Variants in ZDHHC16 observed in about 807,000 individuals in gnomAD.
The protein encoded by ZDHHC16 is zDHHC palmitoyltransferase 16, also known as palmitoyltransferase ZDHHC16.
In ZDHHC16, 33 loss-of-function variants were observed where a neutral mutation model predicts 54.4. The observed-to-expected ratio is 0.61, with a 90% CI of 0.46 to 0.81. The LOEUF (loss-of-function observed/expected upper bound fraction) is 0.81. ZDHHC16 is among the 30% of genes least tolerant of loss of function. The pLI is 0.00. For synonymous variants in ZDHHC16, 185 were observed against 182.1 expected, an observed-to-expected ratio of 1.02 and a Z score of -0.13; for missense variants, 420 against 485.9, an observed-to-expected ratio of 0.86 and a Z score of 1.28.
intron 2 of ZDHHC16, 44 bp from the exon 3 acceptor site, chr10:97,451,627 A>T: frequency 6.4e-7 from 1 of 1,568,594 alleles, no homozygotes; most frequent in Non-Finnish European, 8.6e-7. Flanking sequence ...CGGGGTAGGG[A>T]GGGAGGGCTC....
Position 97,450,512 on chromosome 10 carries a change from C to G in ZDHHC16, c.-30C>G, listed in dbSNP as rs904534633. On this transcript the variant is annotated 5_prime_UTR_variant, in exon 2 of 12. Coordinates refer to ENST00000393760, the MANE Select transcript of ZDHHC16 (RefSeq NM_198046.3). ...TGGGATTGTCAAGGACAAAGCCCTC[C>G]CTGGCTGCCTCAGGGCAAAATCAGG... is the stretch of plus-strand genomic sequence containing the variant. 2 of 152,184 alleles carry G rather than the reference C, an allele frequency of 1.3e-5. No individual in the cohort carries two copies. The highest frequency in any genetic ancestry group is 2.9e-5 in the Non-Finnish European group (2 of 68,048). The allele number at this position is 152,184 out of a possible 1,614,324, so 9.4% of individuals were successfully genotyped here.
Position 97,454,771 on chromosome 10 carries a change from A to C in ZDHHC16, c.796A>C (p.Ser266Arg). The change falls in exon 9 of 12, where the codon AGT becomes CGT. Residue 266 changes from serine (S) to arginine (R), a missense_variant. By Grantham distance (110) the Ser-to-Arg change is moderately radical (BLOSUM62 -1). Coordinates refer to ENST00000393760, the MANE Select transcript of ZDHHC16 (RefSeq NM_198046.3). ...CTTTCGAGAAAGGATGACTCACAAG[A>C]GTCTTGTCTACCTCTGGTTCCTGTG... ...FSFRERMTHK[S>R]LVYLWFLCSS... The C allele has an allele frequency of 5.0e-6, 8 of 1,614,052 alleles. No individual in the cohort carries two copies. Among genetic ancestry groups the C allele is most frequent in the Non-Finnish European group, 6.8e-6 (8 of 1,180,002 alleles).
chr10:97,449,527 G>A (rs540237985), intron 1 of ZDHHC16, among the ~76,000 whole-genome samples: 82 of 152,162 alleles, frequency 5.4e-4, no homozygotes, highest in Admixed American at 1.2e-3. Context: ...AAGTTTGAGC[G>A]TGAGCTTTTA....
chr10:97,455,636 C>G (rs765243007), intron 9 of ZDHHC16, 24 bp from the exon 10 acceptor site: 2 of 1,614,178 alleles, frequency 1.2e-6, no homozygotes, highest in Non-Finnish European at 1.7e-6. Context: ...AACTACCCAC[C>G]AGTCTTCGCC....
At chr10:97,454,150 T>C (rs997848694) in intron 8 of ZDHHC16, among the ~76,000 whole-genome samples, 5 of 152,240 alleles carry the variant, frequency 3.3e-5, no homozygotes, top group African/African-American at 1.2e-4. Flanking sequence ...GTCTGTGTAA[T>C]GGGGTTCCAG....
intron 2 of ZDHHC16, chr10:97,451,069 A>G (rs1159707471): frequency 1.3e-5 from 2 of 152,486 alleles, no homozygotes; most frequent in African/African-American, 2.4e-5. Context: ...GCCCAGAGGG[A>G]GTAGGAAGAA....
chr10:97,456,961 C>A lies in ZDHHC16; in HGVS notation c.*70C>A. 2 of 1,245,438 alleles carry A rather than the reference C, an allele frequency of 1.6e-6. No homozygotes were observed. The highest frequency in any genetic ancestry group is 2.2e-6 in the Non-Finnish European group (2 of 910,854). The allele number at this position is 1,245,438 out of a possible 1,614,324, so 77.1% of individuals were successfully genotyped here. A position where few individuals can be genotyped will look rare whatever the true frequency, so the allele number is the denominator to read the frequency against. The stretch of plus-strand genomic sequence containing the variant: ...ATGTTATTTCAAGGGCCTCCAAGGG[C>A]AGCTTTTCTCAGAATCCTTGATCAA... On this transcript the variant is annotated 3_prime_UTR_variant, in exon 12 of 12. Coordinates refer to ENST00000393760, the MANE Select transcript of ZDHHC16 (RefSeq NM_198046.3).
chr10:97,453,417 G>A (rs968452873), intron 6 of ZDHHC16, 113 bp from the exon 7 acceptor site: 5 of 1,430,216 alleles, frequency 3.5e-6, no homozygotes, highest in Non-Finnish European at 4.7e-6. Context: ...AGTTCTTAGT[G>A]ACTGGAAGCC....
At chr10:97,452,671 GCATT>G in intron 5 of ZDHHC16, 168 bp downstream of exon 5, 2 of 919,266 alleles carry the variant, frequency 2.2e-6, no homozygotes. Context: ...TGTGAGTTAG[GCATT>G]ATTACCACTT....
At chr10:97,447,709 G>T (rs557526528) in intron 1 of ZDHHC16, among the ~76,000 whole-genome samples, 2 of 152,250 alleles carry the variant, frequency 1.3e-5, no homozygotes, top group East Asian at 3.9e-4. Context: ...ATCACCTGAG[G>T]TCGGGAGTTT....
At chr10:97,455,886 G>C (rs1451299176) in intron 10 of ZDHHC16, 88 bp from the exon 11 acceptor site, 1 of 1,604,560 alleles carries the variant, frequency 6.2e-7, no homozygotes, top group Admixed American at 1.7e-5. Context: ...CATTGTAAAA[G>C]GCCAGAACTA....
At chr10:97,453,873 C>T in intron 8 of ZDHHC16, 27 bp downstream of exon 8, 1 of 1,614,060 alleles carries the variant, frequency 6.2e-7, no homozygotes, top group Non-Finnish European at 8.5e-7. Context: ...CCACTGCCTC[C>T]TGCTGCTCAG....
Position 97,451,701 on chromosome 10 carries a change from T to G in ZDHHC16, c.26T>G (p.Leu9Arg). MRGQRSLL[L>R]GPARLCLRLL... ...ATGCGAGGCCAGCGGAGCCTGCTGC[T>G]GGGCCCGGCCCGCCTCTGCCTCCGC... The change falls in exon 3 of 12, where the codon CTG becomes CGG. Residue 9 changes from leucine (L) to arginine (R), a missense_variant. Leu to Arg is a moderately radical substitution (Grantham distance 102). Transcript: ENST00000393760. 3.1e-6 allele frequency: 5 copies of G among 1,611,914 alleles called. No individual in the cohort carries two copies. The highest frequency in any genetic ancestry group is 3.4e-6 in the Non-Finnish European group (4 of 1,179,714).
chr10:97,452,045 C>A, intron 3 of ZDHHC16, 45 bp from the exon 4 acceptor site: 1 of 1,612,294 alleles, frequency 6.2e-7, no homozygotes, highest in Non-Finnish European at 8.5e-7. Context: ...CTCCTTTGGG[C>A]ATAGCTCTTG....
chr10:97,446,771 G>T (rs1190168424), intron 1 of ZDHHC16, among the ~76,000 whole-genome samples: 1 of 152,184 alleles, frequency 6.6e-6, no homozygotes, highest in Non-Finnish European at 1.5e-5. Flanking sequence ...AGGCTGGAGT[G>T]CAGTGGAGCG....
Position 97,456,934 on chromosome 10 carries a change from C to A in ZDHHC16, c.*43C>A. ...ACGACTCGAGCACTCATTCTGCTCC[C>A]TATGTTATTTCAAGGGCCTCCAAGG... On this transcript the variant is annotated 3_prime_UTR_variant, in exon 12 of 12. Coordinates refer to ENST00000393760, the MANE Select transcript of ZDHHC16 (RefSeq NM_198046.3). 6.7e-7 allele frequency: 1 copy of A among 1,482,946 alleles called. No homozygotes were observed. Among genetic ancestry groups the A allele is most frequent in the East Asian group, 2.4e-5 (1 of 41,482 alleles). 91.9% of individuals were successfully genotyped at this position (1,482,946 alleles called of 1,614,324 possible).
At chr10:97,448,453 T>C (rs1225659325) in intron 1 of ZDHHC16, 1 of 152,092 alleles carries the variant, frequency 6.6e-6, no homozygotes, top group African/African-American at 2.4e-5. Flanking sequence ...CAACCATGGA[T>C]TGGAAATATT....
At chr10:97,456,283 AG>A in intron 11 of ZDHHC16, 1 of 505,718 alleles carries the variant, frequency 2.0e-6, no homozygotes. Context: ...AGCTGTGCTC[AG>A]GAAGGGGCCT....
chr10:97,453,307 C>T (rs553370440), intron 6 of ZDHHC16, among the ~76,000 whole-genome samples: 13 of 152,168 alleles, frequency 8.5e-5, no homozygotes, highest in Admixed American at 2.6e-4. Flanking sequence ...TTTCAGTTTC[C>T]GTGACTTCTT....
Sources: gnomAD v4.1 joint callset for allele counts (sites outside exome capture counted in the v4.1 genomes callset) on GRCh38, gnomAD v4.1.1 for gene constraint, MANE v1.5 for transcripts, NCBI Gene and HGNC (gene_info 2026-07-23, HGNC 2026-07-21) for gene names.